UPB1: variants seen among roughly 807,000 people sequenced by gnomAD.
The protein encoded by UPB1 is beta-ureidopropionase.
A neutral mutation model predicts 49.1 loss-of-function variants in UPB1; 40 were observed. The observed-to-expected ratio is 0.81, with a 90% CI of 0.63 to 1.06. The LOEUF is 1.06. Ranked by LOEUF, UPB1 falls within the 50% of genes least tolerant of loss-of-function variation. UPB1 has a pLI of 0.00. For synonymous variants in UPB1, 207 were observed against 198.2 expected, an observed-to-expected ratio of 1.04 and a Z score of -0.38; for missense variants, 499 against 505.9, an observed-to-expected ratio of 0.99 and a Z score of 0.13.
intron 6 of UPB1, among the ~76,000 whole-genome samples, chr22:24,517,683 A>G (rs561132678): frequency 3.3e-5 from 5 of 152,368 alleles, no homozygotes; most frequent in African/African-American, 1.2e-4. Context: ...AGGCTTATTA[A>G]AAATGATTGA....
rs548941145 is a variant in UPB1 at position 24,505,289 on chromosome 22, C to T, written c.364+3076C>T. On this transcript the variant is annotated intron_variant, in intron 3 of 9. Transcript: ENST00000326010. ...CCAAGAGTCCTTATTCCAAGTTGGA[C>T]GCTTTGTTTGATTGCTCATATTTTA... 6.6e-5 allele frequency among the ~76,000 whole-genome samples: 10 copies of T among 152,204 alleles called. No individual in the cohort carries two copies. In the South Asian group the frequency reaches 8.3e-4, roughly 13 times the overall value.
chr22:24,512,037 A>G (rs952402112), intron 4 of UPB1, among the ~76,000 whole-genome samples: 5 of 152,088 alleles, frequency 3.3e-5, no homozygotes, highest in Non-Finnish European at 7.4e-5. Flanking sequence ...TTCAGGTTTT[A>G]TACATATACT....
chr22:24,518,729 G>A (rs1014487653), intron 6 of UPB1, among the ~76,000 whole-genome samples: 1 of 152,154 alleles, frequency 6.6e-6, no homozygotes, highest in African/African-American at 2.4e-5. Flanking sequence ...TTTTGATTAG[G>A]TTATCCTCAT....
intron 6 of UPB1, among the ~76,000 whole-genome samples, 155 bp downstream of exon 6, chr22:24,515,525 A>G (rs2044280265): frequency 6.6e-6 from 1 of 152,242 alleles, no homozygotes; most frequent in Admixed American, 6.5e-5. Context: ...ACATGTGACC[A>G]GCTTTTCAGT....
intron 3 of UPB1, among the ~76,000 whole-genome samples, chr22:24,506,722 CA>C (rs1327714323): frequency 6.6e-6 from 1 of 152,168 alleles, no homozygotes; most frequent in Non-Finnish European, 1.5e-5. Flanking sequence ...TTGTTTTTCC[CA>C]ACTCTCCACC....
chr22:24,509,327 G>T, intron 3 of UPB1, among the ~76,000 whole-genome samples: 2 of 123,704 alleles, frequency 1.6e-5, no homozygotes, highest in Middle Eastern at 5.6e-3. Context: ...CAGTATCTTT[G>T]AACTGTTAAT....
intron 1 of UPB1, among the ~76,000 whole-genome samples, chr22:24,497,129 A>C (rs1178435203): frequency 2.0e-5 from 3 of 152,160 alleles, no homozygotes; most frequent in Non-Finnish European, 4.4e-5. Flanking sequence ...TGTAGGTACT[A>C]GTGGAGAAAG....
At chr22:24,501,975 C>T (rs2044000903) in intron 2 of UPB1, 151 bp from the exon 3 acceptor site, 1 of 753,224 alleles carries the variant, frequency 1.3e-6, no homozygotes, top group East Asian at 2.7e-5. Context: ...AGATTTTGGA[C>T]ATCAGGAGAT....
At chr22:24,501,293 G>T (rs188766032) in intron 2 of UPB1, among the ~76,000 whole-genome samples, 4 of 152,024 alleles carry the variant, frequency 2.6e-5, no homozygotes, top group Admixed American at 2.0e-4. Flanking sequence ...GAGTTTGTGC[G>T]CTCTGGGTTT....
chr22:24,522,056 A>G lies in UPB1; in HGVS notation c.916+28A>G, dbSNP rs372695779. 40 of 1,612,816 alleles carry G rather than the reference A, an allele frequency of 2.5e-5. No individual in the cohort carries two copies. In the African/African-American group the frequency reaches 4.3e-4, roughly 17 times the overall value. ...ATGTCCCATGAACCATGGTGGCTGCAGTTGAGGAGTGGGCCTTCCTCTCCC... is the reference window on the plus strand; with the variant it reads ...ATGTCCCATGAACCATGGTGGCTGCGGTTGAGGAGTGGGCCTTCCTCTCCC... On this transcript the variant is annotated intron_variant, in intron 8 of 9. Transcript: ENST00000326010.
At chr22:24,509,948 C>G (rs938274149) in intron 3 of UPB1, among the ~76,000 whole-genome samples, 7 of 152,138 alleles carry the variant, frequency 4.6e-5, no homozygotes, top group South Asian at 2.1e-4. Context: ...TTTGACTACT[C>G]TAGGCTGGGC....
In UPB1 at chr22:24,521,179, CA is replaced by C. The variant is rs34276962; in HGVS notation, c.873+731del. On this transcript the variant is annotated intron_variant, in intron 7 of 9. Coordinates refer to ENST00000326010, the MANE Select transcript of UPB1 (RefSeq NM_016327.3). ...CTTGGGTGACAGAGTGAGACTCTGTCAAAAAAAAAAAAAAAAAAAAGGCCAG... is the reference window on the plus strand; with the variant it reads ...CTTGGGTGACAGAGTGAGACTCTGTCAAAAAAAAAAAAAAAAAAAGGCCAG... 3.5e-3 allele frequency among the ~76,000 whole-genome samples: 222 copies of C among 62,646 alleles called. 1 individual carries two copies. Among genetic ancestry groups the C allele is most frequent in the Non-Finnish European group, 3.9e-3 (132 of 33,712 alleles). 41.1% of individuals were successfully genotyped at this position (62,646 alleles called of 152,430 possible).
intron 6 of UPB1, among the ~76,000 whole-genome samples, chr22:24,518,546 C>T (rs2044335786): frequency 6.6e-6 from 1 of 152,144 alleles, no homozygotes; most frequent in South Asian, 2.1e-4. Flanking sequence ...CTGGGCAAAT[C>T]CCCACCAGCA....
intron 4 of UPB1, among the ~76,000 whole-genome samples, chr22:24,511,730 C>G (rs145610981): frequency 0.029 from 4,342 of 151,454 alleles, 111 homozygotes; most frequent in African/African-American, 0.063. Context: ...TCTCCTGCCT[C>G]AGCCTCCGGA....
At chr22:24,519,246 A>G (rs1740442212) in intron 6 of UPB1, among the ~76,000 whole-genome samples, 2 of 151,986 alleles carry the variant, frequency 1.3e-5, no homozygotes, top group African/African-American at 4.8e-5. Context: ...AATCCTCCTG[A>G]GAATTAGGCT....
intron 3 of UPB1, among the ~76,000 whole-genome samples, chr22:24,504,760 C>T (rs1226765905): frequency 2.8e-5 from 3 of 108,490 alleles, no homozygotes; most frequent in Non-Finnish European, 5.2e-5. Context: ...CGTGGTCTTA[C>T]TCTGTCACTG....
intron 4 of UPB1, among the ~76,000 whole-genome samples, chr22:24,511,787 T>G (rs1160238682): frequency 2.0e-5 from 3 of 151,772 alleles, no homozygotes; most frequent in Non-Finnish European, 2.9e-5. Context: ...CTAATTTTTT[T>G]TTGTATTTTT....
chr22:24,496,822 ATCAGATGGC>A (rs936874182), intron 1 of UPB1, among the ~76,000 whole-genome samples: 5 of 152,228 alleles, frequency 3.3e-5, no homozygotes, highest in Admixed American at 2.0e-4. Context: ...GGAAAGAAGC[ATCAGATGGC>A]TCAGAAATGT....
At chr22:24,515,981 TAAAACAA>T (rs989597782) in intron 6 of UPB1, among the ~76,000 whole-genome samples, 1 of 151,788 alleles carries the variant, frequency 6.6e-6, no homozygotes, top group Admixed American at 6.6e-5. Context: ...TCTCAAAAAA[TAAAACAA>T]AACAAAACGA....
Sources: allele counts gnomAD v4.1 joint callset (sites outside exome capture counted in the v4.1 genomes callset), GRCh38; gene constraint gnomAD v4.1.1; transcripts MANE v1.5; gene names NCBI Gene and HGNC (gene_info 2026-07-23, HGNC 2026-07-21).